Variants in UMAD1 observed in about 807,000 individuals in gnomAD.
UMAD1 encodes the protein UBAP1-MVB12-associated (UMA) domain containing 1.
A neutral mutation model predicts 6.1 loss-of-function variants in UMAD1; 8 were observed. The observed-to-expected ratio is 1.30, with a 90% CI of 0.76 to 2.35. The LOEUF is 2.35. Ranked by LOEUF, UMAD1 falls within the 30% of genes most tolerant of loss-of-function variation. The probability of loss-of-function intolerance (pLI) is 0.00; values close to 1 mark genes in which losing one functional copy is unlikely to be tolerated. For synonymous variants in UMAD1, 56 were observed against 31.4 expected (o/e 1.78, Z -2.61); for missense variants, 130 against 78.4 (o/e 1.66, Z -2.49).
In UMAD1 at chr7:7,673,368, A is replaced by G. The variant is rs77667086; in HGVS notation, c.-4A>G. The G allele has an allele frequency of 3.6e-3, 4,050 of 1,125,892 alleles. 116 individuals carry two copies. In the African/African-American group the frequency reaches 0.058, roughly 16 times the overall value. The allele number at this position is 1,125,892 out of a possible 1,614,324, so 69.7% of individuals were successfully genotyped here. A position where few individuals can be genotyped will look rare whatever the true frequency, so the allele number is the denominator to read the frequency against. On this transcript the variant is annotated 5_prime_UTR_variant, in exon 2 of 4. Transcript: ENST00000682710. ...CAGCAGCAGCAGCAGCAGCAGCAGC[A>G]GCAATGTTTCACTTCTTCAGAAAGC...
intron 3 of UMAD1, among the ~76,000 whole-genome samples, chr7:7,810,906 C>A (rs1416610927): frequency 6.6e-6 from 1 of 152,148 alleles, no homozygotes; most frequent in Non-Finnish European, 1.5e-5. Flanking sequence ...CCACATCTGA[C>A]CACAATTTGT....
chr7:7,697,757 A>G (rs1405750853), intron 2 of UMAD1, among the ~76,000 whole-genome samples: 1 of 152,186 alleles, frequency 6.6e-6, no homozygotes, highest in Admixed American at 6.5e-5. Flanking sequence ...TATGAGATTT[A>G]CTGTATTTTT....
At chr7:7,691,604 C>G (rs867141744) in intron 2 of UMAD1, among the ~76,000 whole-genome samples, 1 of 152,190 alleles carries the variant, frequency 6.6e-6, no homozygotes, top group African/African-American at 2.4e-5. Flanking sequence ...GATCATTTTG[C>G]TGGGGCATAG....
intron 3 of UMAD1, among the ~76,000 whole-genome samples, chr7:7,833,746 A>G (rs944337834): frequency 2.0e-5 from 3 of 152,200 alleles, no homozygotes; most frequent in African/African-American, 4.8e-5. Context: ...TATGCTAAAT[A>G]TACAAAACCA....
intron 2 of UMAD1, among the ~76,000 whole-genome samples, chr7:7,784,178 ACT>A (rs1172433007): frequency 1.3e-5 from 2 of 151,886 alleles, no homozygotes; most frequent in African/African-American, 2.4e-5. Context: ...AACTTTTTAA[ACT>A]CTCTTTTGTT....
At chr7:7,748,475 T>G (rs1377832393) in intron 2 of UMAD1, among the ~76,000 whole-genome samples, 1 of 152,110 alleles carries the variant, frequency 6.6e-6, no homozygotes, top group African/African-American at 2.4e-5. Context: ...ATTTCCAGAT[T>G]GGAATATAAA....
intron 1 of UMAD1, among the ~76,000 whole-genome samples, chr7:7,656,315 T>A (rs539477486): frequency 1.1e-4 from 16 of 150,744 alleles, no homozygotes; most frequent in African/African-American, 2.7e-4. Context: ...TTTAAAAAAA[T>A]TTTTTTTTTG....
intron 1 of UMAD1, among the ~76,000 whole-genome samples, chr7:7,649,860 T>G (rs1222231492): frequency 6.6e-6 from 1 of 152,026 alleles, no homozygotes; most frequent in African/African-American, 2.4e-5. Context: ...TATAAAAGAG[T>G]CAGAGAGATC....
At chr7:7,707,105 A>G (rs926803755) in intron 2 of UMAD1, among the ~76,000 whole-genome samples, 1 of 152,158 alleles carries the variant, frequency 6.6e-6, no homozygotes, top group South Asian at 2.1e-4. Context: ...CTATTGTACT[A>G]CCATTCCCTG....
At chr7:7,753,872 A>G (rs1781725604) in intron 2 of UMAD1, among the ~76,000 whole-genome samples, 1 of 152,128 alleles carries the variant, frequency 6.6e-6, no homozygotes. Context: ...TAGTGGTTGT[A>G]CTAATTCACA....
chr7:7,744,073 C>G (rs575429527), intron 2 of UMAD1, among the ~76,000 whole-genome samples: 25 of 152,130 alleles, frequency 1.6e-4, no homozygotes, highest in Non-Finnish European at 2.9e-4. Flanking sequence ...CAGTTACTCA[C>G]TATTTCCCCC....
intron 2 of UMAD1, among the ~76,000 whole-genome samples, chr7:7,760,524 G>A (rs1054657678): frequency 1.3e-5 from 2 of 151,682 alleles, no homozygotes; most frequent in Non-Finnish European, 2.9e-5. Context: ...CCAAAGTGAG[G>A]GGATTTTTCT....
chr7:7,787,058 T>G (rs1782474546), intron 2 of UMAD1, among the ~76,000 whole-genome samples: 1 of 152,210 alleles, frequency 6.6e-6, no homozygotes, highest in African/African-American at 2.4e-5. Context: ...ACGTGTCCAG[T>G]TGAATTCTAA....
chr7:7,684,833 A>AT (rs1780002812), intron 2 of UMAD1, among the ~76,000 whole-genome samples: 1 of 152,342 alleles, frequency 6.6e-6, no homozygotes, highest in South Asian at 2.1e-4. Context: ...CCATGTTTTA[A>AT]TACAACTATT....
chr7:7,650,770 A>G (rs914356925), intron 1 of UMAD1, among the ~76,000 whole-genome samples: 7 of 152,106 alleles, frequency 4.6e-5, no homozygotes, highest in African/African-American at 1.2e-4. Flanking sequence ...CAGACTGATC[A>G]CTCTCCATCC....
At chr7:7,680,624 T>C (rs993181131) in intron 2 of UMAD1, among the ~76,000 whole-genome samples, 11 of 152,150 alleles carry the variant, frequency 7.2e-5, no homozygotes, top group African/African-American at 2.7e-4. Context: ...GTAGATTGTT[T>C]TGGGTAGTAT....
rs71014711 is a variant in UMAD1 at position 7,767,128 on chromosome 7, C to CTTTTTTTTTTTTTTTTTTTTTTTTTT, written c.83-34528_83-34527insTTTTTTTTTTTTTTTTTTTTTTTTTT. On this transcript the variant is annotated intron_variant, in intron 2 of 3. Transcript: ENST00000682710. ...AGTGAGCATTTCAAGAAATTAAGCT[C>CTTTTTTTTTTTTTTTTTTTTTTTTTT]TTTTTTTTTTTTTTGAGACGGACTC... Among the ~76,000 whole-genome samples the CTTTTTTTTTTTTTTTTTTTTTTTTTT allele has an allele frequency of 1.9e-4, 25 of 129,796 alleles. 3 individuals carry two copies. The highest frequency in any genetic ancestry group is 3.3e-4 in the Non-Finnish European group (20 of 59,752). 85.2% of individuals were successfully genotyped at this position (129,796 alleles called of 152,430 possible). A position where few individuals can be genotyped will look rare whatever the true frequency, so the allele number is the denominator to read the frequency against.
At chr7:7,736,420 C>G (rs10486186) in intron 2 of UMAD1, 2 of 152,796 alleles carry the variant, frequency 1.3e-5, no homozygotes, top group African/African-American at 4.8e-5. Context: ...GACTCTTCAC[C>G]TGCCGAGTTT....
intron 2 of UMAD1, among the ~76,000 whole-genome samples, chr7:7,794,749 C>T (rs1782639796): frequency 6.6e-6 from 1 of 152,134 alleles, no homozygotes; most frequent in Admixed American, 6.5e-5. Context: ...GTTGAAATGG[C>T]CCTGCAAAGC....
Sources: allele counts gnomAD v4.1 joint callset (sites outside exome capture counted in the v4.1 genomes callset), GRCh38; gene constraint gnomAD v4.1.1; transcripts MANE v1.5; gene names NCBI Gene and HGNC (gene_info 2026-07-23, HGNC 2026-07-21).